Variants in MACROD2 observed in about 807,000 individuals in gnomAD.
The protein encoded by MACROD2 is mono-ADP ribosylhydrolase 2.
MACROD2 carries 36 observed loss-of-function variants against 70.4 expected under a neutral mutation model. That is an observed-to-expected ratio of 0.51 (90% CI 0.39 to 0.68). The LOEUF (loss-of-function observed/expected upper bound fraction) is 0.68, where lower values mean the gene tolerates loss of function less well. Ranked by LOEUF, MACROD2 falls within the 30% of genes least tolerant of loss-of-function variation. The pLI, the probability that MACROD2 is intolerant of heterozygous loss-of-function variation, is 0.00. For synonymous variants in MACROD2, 172 were observed against 178.8 expected, an observed-to-expected ratio of 0.96 and a Z score of 0.30; for missense variants, 496 against 538.4, an observed-to-expected ratio of 0.92 and a Z score of 0.78.
chr20:14,706,105 A>G (rs2071266538), intron 5 of MACROD2, among the ~76,000 whole-genome samples: 1 of 151,992 alleles, frequency 6.6e-6, no homozygotes, highest in Non-Finnish European at 1.5e-5. Context: ...CATGAGGTCA[A>G]GAGATCGATA....
intron 4 of MACROD2, among the ~76,000 whole-genome samples, chr20:14,537,377 A>G (rs897899081): frequency 6.6e-6 from 1 of 152,194 alleles, no homozygotes; most frequent in Non-Finnish European, 1.5e-5. Flanking sequence ...TAGATCTTGT[A>G]TAAAATAGCC....
At chr20:15,858,521 C>G (rs1455975539) in intron 8 of MACROD2, among the ~76,000 whole-genome samples, 3 of 152,146 alleles carry the variant, frequency 2.0e-5, no homozygotes, top group Non-Finnish European at 4.4e-5. Flanking sequence ...GCTGGAAAAA[C>G]AAGAGACTCT....
chr20:15,771,814 G>A (rs2013625435), intron 8 of MACROD2, among the ~76,000 whole-genome samples: 1 of 151,784 alleles, frequency 6.6e-6, no homozygotes. Context: ...GCCAGGCACG[G>A]TGGCTCATGC....
At chr20:15,055,889 C>G (rs1450124567) in intron 5 of MACROD2, among the ~76,000 whole-genome samples, 1 of 150,966 alleles carries the variant, frequency 6.6e-6, no homozygotes, top group East Asian at 2.0e-4. Flanking sequence ...TGAATTCAAG[C>G]CATTCTCCTG....
At chr20:15,226,563 T>A (rs1220582165) in intron 5 of MACROD2, among the ~76,000 whole-genome samples, 1 of 152,150 alleles carries the variant, frequency 6.6e-6, no homozygotes, top group Non-Finnish European at 1.5e-5. Flanking sequence ...AAATCATCAT[T>A]AAAATTATAA....
At chr20:14,505,790 G>C (rs1472585183) in intron 4 of MACROD2, among the ~76,000 whole-genome samples, 1 of 152,190 alleles carries the variant, frequency 6.6e-6, no homozygotes, top group Non-Finnish European at 1.5e-5. Context: ...TGAATAAAGA[G>C]AGGATTTTAG....
At chr20:14,493,152 A>G (rs2084813178) in intron 3 of MACROD2, among the ~76,000 whole-genome samples, 1 of 151,982 alleles carries the variant, frequency 6.6e-6, no homozygotes, top group Admixed American at 6.6e-5. Context: ...GTTCTATTCT[A>G]CTTGATAAAA....
At chr20:14,370,451 C>CT (rs949326039) in intron 3 of MACROD2, among the ~76,000 whole-genome samples, 3 of 152,132 alleles carry the variant, frequency 2.0e-5, no homozygotes, top group South Asian at 2.1e-4. Flanking sequence ...TTTTATCCTT[C>CT]TTTTTTTGTT....
chr20:14,521,008 A>C (rs2085163724), intron 4 of MACROD2, among the ~76,000 whole-genome samples: 2 of 152,158 alleles, frequency 1.3e-5, no homozygotes, highest in South Asian at 4.1e-4. Context: ...GTTTTCTTGA[A>C]GTTTTACAGA....
At chr20:14,864,048 A>G (rs1235843709) in intron 5 of MACROD2, among the ~76,000 whole-genome samples, 3 of 152,060 alleles carry the variant, frequency 2.0e-5, no homozygotes, top group Admixed American at 6.6e-5. Context: ...GAGTATAGAT[A>G]ATTTCTTTCT....
chr20:14,312,959 A>G (rs180730632), intron 3 of MACROD2, among the ~76,000 whole-genome samples: 2 of 152,250 alleles, frequency 1.3e-5, no homozygotes, highest in Non-Finnish European at 2.9e-5. Context: ...TTATATAAAT[A>G]GTATTAGCAC....
chr20:15,913,814 T>TA (rs759002715), intron 10 of MACROD2, among the ~76,000 whole-genome samples: 13 of 152,218 alleles, frequency 8.5e-5, no homozygotes, highest in Non-Finnish European at 1.3e-4. Context: ...TATTTACCTC[T>TA]CAAAGTGAAA....
chr20:15,748,603 T>C (rs769678657), intron 8 of MACROD2, among the ~76,000 whole-genome samples: 1 of 152,144 alleles, frequency 6.6e-6, no homozygotes, highest in South Asian at 2.1e-4. Flanking sequence ...TCTGTTCCTC[T>C]CACCACCTAT....
chr20:14,971,249 T>C (rs1198586270), intron 5 of MACROD2, among the ~76,000 whole-genome samples: 1 of 152,162 alleles, frequency 6.6e-6, no homozygotes, highest in East Asian at 1.9e-4. Flanking sequence ...ATGTTTTTTT[T>C]CTGAATATTT....
At chr20:15,566,973 A>T (rs1422012411) in intron 8 of MACROD2, among the ~76,000 whole-genome samples, 1 of 152,188 alleles carries the variant, frequency 6.6e-6, no homozygotes, top group Non-Finnish European at 1.5e-5. Context: ...ATAAAAATTC[A>T]GAAGTGAGAA....
intron 7 of MACROD2, among the ~76,000 whole-genome samples, chr20:15,460,130 G>A (rs73272955): frequency 0.098 from 14,876 of 152,150 alleles, 830 homozygotes; most frequent in Non-Finnish European, 0.13. Flanking sequence ...CCAGGAGAAC[G>A]AAGGTTTGTA....
intron 2 of MACROD2, among the ~76,000 whole-genome samples, chr20:14,030,098 T>A (rs1361947701): frequency 6.6e-6 from 1 of 152,246 alleles, no homozygotes. Flanking sequence ...AGTGATGCGA[T>A]CTTAGCTCAC....
At chr20:14,696,344 A>T (rs552649812) in intron 5 of MACROD2, among the ~76,000 whole-genome samples, 2 of 152,166 alleles carry the variant, frequency 1.3e-5, no homozygotes, top group East Asian at 3.9e-4. Context: ...TGCCACTCAC[A>T]TGCTTTTTTT....
Position 14,069,685 on chromosome 20 carries a change from T to G in MACROD2, c.164-15936T>G, listed in dbSNP as rs562373351. On this transcript the variant is annotated intron_variant, in intron 2 of 17. Coordinates refer to ENST00000684519, the MANE Select transcript of MACROD2 (RefSeq NM_001351661.2). ...TCAAAACAAATATTGGGATCTAGTATGCAGAAAATTCAGGAACTCAGAATG... is the reference window on the plus strand; with the variant it reads ...TCAAAACAAATATTGGGATCTAGTAGGCAGAAAATTCAGGAACTCAGAATG... Among the ~76,000 whole-genome samples the G allele has an allele frequency of 3.4e-5, 5 of 146,840 alleles. No individual in the cohort carries two copies. The East Asian group carries it at 9.9e-4, about 29-fold the overall frequency.
Sources: gnomAD v4.1 joint callset for allele counts (sites outside exome capture counted in the v4.1 genomes callset) on GRCh38, gnomAD v4.1.1 for gene constraint, MANE v1.5 for transcripts, NCBI Gene and HGNC (gene_info 2026-07-23, HGNC 2026-07-21) for gene names.